The following KANK1 variants were observed in gnomAD, a reference collection of about 807,000 sequenced individuals.
KANK1 encodes KN motif and ankyrin repeat domains 1.
KANK1 carries 109 observed loss-of-function variants against 106.2 expected under a neutral mutation model. The observed-to-expected ratio is 1.03, with a 90% CI of 0.88 to 1.20. The LOEUF is 1.20. Among genes scored for constraint, KANK1 ranks in the 50% most tolerant of loss-of-function variants. KANK1 has a pLI of 0.00. For synonymous variants in KANK1, 873 were observed against 652.2 expected (o/e 1.34, Z -5.16); for missense variants, 2,399 against 1,710.7 (o/e 1.40, Z -7.10).
chr9:720,014 T>G (rs1309326714), intron 3 of KANK1, among the ~76,000 whole-genome samples: 3 of 152,218 alleles, frequency 2.0e-5, no homozygotes, highest in African/African-American at 7.2e-5. Context: ...ATTTAATATA[T>G]GGATAATTAT....
At position 536,536 on chromosome 9, in the gene KANK1, C is replaced by T. The variant is rs555268737; in HGVS notation, c.-84+31782C>T. 4.6e-5 allele frequency among the ~76,000 whole-genome samples: 7 copies of T among 152,294 alleles called. No individual in the cohort carries two copies. In the South Asian group the frequency reaches 1.5e-3, roughly 32 times the overall value. On this transcript the variant is annotated intron_variant, in intron 1 of 11. Transcript: ENST00000382297. ...TTCCTTGGCTTGTGACCCGTTTCTT[C>T]ATCTTCAAAGCCACCACTGGCAAAT...
intron 3 of KANK1, among the ~76,000 whole-genome samples, chr9:485,848 G>A (rs1379782773): frequency 6.7e-6 from 1 of 149,636 alleles, no homozygotes; most frequent in Admixed American, 6.6e-5. Flanking sequence ...TCCAGCCTGG[G>A]TGACAGAGTG....
At chr9:635,529 T>TA (rs59438577) in intron 1 of KANK1, among the ~76,000 whole-genome samples, 35,522 of 151,904 alleles carry the variant, frequency 0.23, 4,207 homozygotes, top group East Asian at 0.34. Context: ...ATCCTAGTCA[T>TA]ATCAGCCCCT....
At chr9:484,770 G>A (rs41314228) in intron 3 of KANK1, among the ~76,000 whole-genome samples, 14,001 of 152,230 alleles carry the variant, frequency 0.092, 855 homozygotes, top group Non-Finnish European at 0.14. Flanking sequence ...TCTGTGGCCT[G>A]CAGTGGCCCC....
At position 606,567 on chromosome 9, in the gene KANK1, T is replaced by A. The variant is rs901834307; in HGVS notation, c.-83-70323T>A. 4.0e-5 allele frequency among the ~76,000 whole-genome samples: 5 copies of A among 123,546 alleles called. No homozygotes were observed. The East Asian group carries it at 9.8e-4, about 24-fold the overall frequency. The allele number at this position is 123,546 out of a possible 152,430, so 81.1% of individuals were successfully genotyped here. A position where few individuals can be genotyped will look rare whatever the true frequency, so the allele number is the denominator to read the frequency against. The stretch of plus-strand genomic sequence containing the variant: ...GCAAAACTCTGTCTCAGAAAAAAAA[T>A]ATATGTGTGTGTTTTATAAACCTAT... On this transcript the variant is annotated intron_variant, in intron 1 of 11. Coordinates refer to ENST00000382297, the MANE Select transcript of KANK1 (RefSeq NM_015158.5).
intron 1 of KANK1, among the ~76,000 whole-genome samples, chr9:513,892 C>A (rs750182698): frequency 9.9e-5 from 15 of 152,268 alleles, no homozygotes; most frequent in African/African-American, 3.6e-4. Flanking sequence ...TGGTGCACAC[C>A]TGTAGTCCCA....
intron 1 of KANK1, among the ~76,000 whole-genome samples, chr9:556,846 A>T (rs571801653): frequency 2.6e-4 from 39 of 152,310 alleles, no homozygotes; most frequent in Non-Finnish European, 4.6e-4. Flanking sequence ...CTTAGGGCTC[A>T]TTCCTCCCTG....
upstream of KANK1, among the ~76,000 whole-genome samples, chr9:502,219 T>G (rs1025566210): frequency 2.0e-5 from 2 of 102,198 alleles, no homozygotes; most frequent in African/African-American, 8.0e-5. Context: ...CTAATGGGTA[T>G]GGGGTTTCTT....
intron 6 of KANK1, 78 bp downstream of exon 6, chr9:732,695 C>G: frequency 6.7e-7 from 1 of 1,497,420 alleles, no homozygotes; most frequent in Non-Finnish European, 9.1e-7. Context: ...CAGTTCAGAG[C>G]TTTTGTAATT....
At chr9:522,973 A>G (rs1002114165) in intron 1 of KANK1, among the ~76,000 whole-genome samples, 1 of 151,674 alleles carries the variant, frequency 6.6e-6, no homozygotes, top group African/African-American at 2.4e-5. Flanking sequence ...GTATTGATGG[A>G]TAATGCAAAA....
intron 2 of KANK1, among the ~76,000 whole-genome samples, chr9:677,858 C>A (rs748213420): frequency 6.6e-6 from 1 of 152,186 alleles, no homozygotes; most frequent in African/African-American, 2.4e-5. Context: ...AATTTGAGTC[C>A]TAGTTCCAGC....
chr9:534,802 T>C (rs1173438392), intron 1 of KANK1, among the ~76,000 whole-genome samples: 1 of 152,212 alleles, frequency 6.6e-6, no homozygotes. Flanking sequence ...ATGTTTACAA[T>C]AAGAAAGCTG....
intron 1 of KANK1, among the ~76,000 whole-genome samples, chr9:639,903 A>G (rs546755524): frequency 5.9e-5 from 9 of 152,040 alleles, no homozygotes; most frequent in Non-Finnish European, 1.3e-4. Flanking sequence ...GCTTCCTCAA[A>G]CCCTTTGTAA....
At chr9:542,695 T>C (rs1020917406) in intron 1 of KANK1, among the ~76,000 whole-genome samples, 6 of 152,220 alleles carry the variant, frequency 3.9e-5, no homozygotes, top group Non-Finnish European at 8.8e-5. Context: ...ATGTGGTATA[T>C]GTGTACACTG....
At chr9:504,824 A>T (rs2058665595) in intron 1 of KANK1, 70 bp downstream of exon 1, 1 of 80,540 alleles carries the variant, frequency 1.2e-5, no homozygotes, top group East Asian at 8.2e-4. Context: ...CGAGGCCCCT[A>T]CCCCTGCCTC....
chr9:513,081 C>T (rs1317021372), intron 1 of KANK1, among the ~76,000 whole-genome samples: 3 of 152,214 alleles, frequency 2.0e-5, no homozygotes, highest in Non-Finnish European at 4.4e-5. Context: ...CTTGTTAAAA[C>T]ACTCCAGCCA....
chr9:528,469 CTTTTTT>C (rs36072780), intron 1 of KANK1, among the ~76,000 whole-genome samples: 4 of 85,126 alleles, frequency 4.7e-5, no homozygotes, highest in Non-Finnish European at 9.7e-5. Flanking sequence ...TAAAAAATAA[CTTTTTT>C]TTTTTTTTTT....
At chr9:686,753 G>A (rs4742236) in intron 2 of KANK1, 158,686 of 984,442 alleles carry the variant, frequency 0.16, 14,514 homozygotes, top group Admixed American at 0.32. Context: ...AGCCTATCCG[G>A]TAAGGGATCT....
intron 1 of KANK1, among the ~76,000 whole-genome samples, chr9:553,700 C>A (rs1444663680): frequency 6.6e-6 from 1 of 152,136 alleles, no homozygotes; most frequent in Admixed American, 6.5e-5. Context: ...GCCAATTGTT[C>A]AGTTTCATAT....
Sources: allele counts gnomAD v4.1 joint callset (sites outside exome capture counted in the v4.1 genomes callset), GRCh38; gene constraint gnomAD v4.1.1; transcripts MANE v1.5; gene names NCBI Gene and HGNC (gene_info 2026-07-23, HGNC 2026-07-21).